SPEG: variants seen among roughly 807,000 people sequenced by gnomAD.
SPEG encodes the protein striated muscle enriched protein kinase.
Under a neutral mutation model 300.4 loss-of-function variants are expected in SPEG, and 114 were observed. The ratio of observed to expected loss-of-function variants is 0.38; its 90% confidence interval spans 0.33 to 0.44. SPEG has a LOEUF of 0.44. Ranked by LOEUF, SPEG falls within the 20% of genes least tolerant of loss-of-function variation. The pLI is 1.00. For missense variants in SPEG, 4,201 were observed against 4,586.2 expected (o/e 0.92, Z 2.43); for synonymous variants, 1,964 against 2,018.9 (o/e 0.97, Z 0.73).
In SPEG at chr2:219,451,947, C is replaced by T; in HGVS notation, c.2440+140C>T. The T allele has an allele frequency of 1.1e-6, 1 of 892,334 alleles. No individual in the cohort carries two copies. The highest frequency in any genetic ancestry group is 2.1e-5 in the South Asian group (1 of 47,700). 55.3% of individuals were successfully genotyped at this position (892,334 alleles called of 1,614,324 possible). A position where few individuals can be genotyped will look rare whatever the true frequency, so the allele number is the denominator to read the frequency against. On this transcript the variant is annotated intron_variant, in intron 6 of 40. Transcript: ENST00000312358. This position sits in a 1 kb window ranked among gnomAD's most constrained non-coding sequence, Gnocchi z 6.4. ...GCATACTTAGTCCATGCAGTCCCTT[C>T]TGGGTGTCGGCAGCTTTGGTGAAAG... is the stretch of plus-strand genomic sequence containing the variant.
Position 219,484,808 on chromosome 2 carries a change from C to T in SPEG, c.7345C>T (p.Pro2449Ser). Residue 2449 changes from proline to serine, a missense_variant, in exon 30 of 41, where the codon CCG becomes TCG. By Grantham distance (74) the Pro-to-Ser change is moderately conservative (BLOSUM62 -1). Coordinates refer to ENST00000312358, the MANE Select transcript of SPEG (RefSeq NM_005876.5). Reference sequence around the variant, plus strand: ...GGGCGGGAGCTCGGCGCGGGGCTCCCCGGTGCTGGCGATGCGCAGGCGGCT... The same window carrying T: ...GGGCGGGAGCTCGGCGCGGGGCTCCTCGGTGCTGGCGATGCGCAGGCGGCT... ...SEGGSSARGS[P>S]VLAMRRRLSF... is the part of the protein sequence containing the mutation. 6.7e-7 allele frequency: 1 copy of T among 1,490,134 alleles called. No individual in the cohort carries two copies. The highest frequency in any genetic ancestry group is 2.8e-5 in the East Asian group (1 of 36,256). 92.3% of individuals were successfully genotyped at this position (1,490,134 alleles called of 1,614,324 possible).
Position 219,448,093 on chromosome 2 carries a change from C to T in SPEG, c.935C>T (p.Pro312Leu), listed in dbSNP as rs1306948946. ...TCCAAATCCGCGCTGCTCCCCCCACCGTCCCCTCGGGTCGGGAAGCGGTCC... is the reference window on the plus strand; with the variant it reads ...TCCAAATCCGCGCTGCTCCCCCCACTGTCCCCTCGGGTCGGGAAGCGGTCC... ...PPSKSALLPPPSPRVGKRSPP... is the reference protein window; with the variant it reads ...PPSKSALLPPLSPRVGKRSPP... The change falls in exon 4 of 41, where the codon CCG (proline) becomes CTG (leucine). Residue 312 changes from proline to leucine, a missense_variant. By Grantham distance (98) the Pro-to-Leu change is moderately conservative (BLOSUM62 -3). Transcript: ENST00000312358. 1.0e-5 allele frequency: 16 copies of T among 1,605,328 alleles called. No homozygotes were observed. Among genetic ancestry groups the T allele is most frequent in the East Asian group, 2.2e-5 (1 of 44,460 alleles).
Position 219,473,260 on chromosome 2 carries a change from A to G in SPEG, c.4147+164A>G. 1.3e-6 allele frequency: 1 copy of G among 782,624 alleles called. No individual in the cohort carries two copies. Among genetic ancestry groups the G allele is most frequent in the Non-Finnish European group, 2.0e-6 (1 of 496,474 alleles). 48.5% of individuals were successfully genotyped at this position (782,624 alleles called of 1,614,324 possible). ...TGTACACTTCCTTCTCCCTCCTGAA[A>G]GCAGCAGGGCACGGTGGCTGAAGCT... On this transcript the variant is annotated intron_variant, in intron 16 of 40. Coordinates refer to ENST00000312358, the MANE Select transcript of SPEG (RefSeq NM_005876.5). This position sits in a 1 kb window ranked among gnomAD's most constrained non-coding sequence, Gnocchi z 4.6.
intron 14 of SPEG, 49 bp downstream of exon 14, chr2:219,472,036 G>A: frequency 6.2e-7 from 1 of 1,601,196 alleles, no homozygotes; most frequent in Non-Finnish European, 8.5e-7. Flanking sequence ...CTGGCCTCTG[G>A]CACTACGTGG....
Position 219,479,936 on chromosome 2 carries a change from C to G in SPEG, c.5164-26C>G, listed in dbSNP as rs140726278. ...AGCATCCTTCCTTGTTCATTTGGCC[C>G]GCACACCTCGCCTTGTGTCTTCCAG... On this transcript the variant is annotated intron_variant, in intron 24 of 40. Transcript: ENST00000312358. The surrounding 1 kb of genome is among the most constrained non-coding windows in gnomAD (Gnocchi z 5.5). 6 of 1,614,000 alleles carry G rather than the reference C, an allele frequency of 3.7e-6. No homozygotes were observed. Among genetic ancestry groups the G allele is most frequent in the Non-Finnish European group, 5.1e-6 (6 of 1,180,008 alleles).
Position 219,483,654 on chromosome 2 carries a change from C to T in SPEG, c.6191C>T (p.Ala2064Val). ...ARGGLGEGEY[A>V]QRLQALRQRL... ...GGAGGCCTGGGTGAGGGCGAGTATGCCCAGAGGCTGCAGGCCCTGCGCCAG... is the reference window on the plus strand; with the variant it reads ...GGAGGCCTGGGTGAGGGCGAGTATGTCCAGAGGCTGCAGGCCCTGCGCCAG... Residue 2064 changes from alanine to valine, a missense_variant, in exon 30 of 41, where the codon GCC (alanine) becomes GTC (valine). Coordinates refer to ENST00000312358, the MANE Select transcript of SPEG (RefSeq NM_005876.5). The T allele has an allele frequency of 6.5e-7, 1 of 1,532,286 alleles. No homozygotes were observed. Among genetic ancestry groups the T allele is most frequent in the Non-Finnish European group, 8.7e-7 (1 of 1,146,150 alleles). 94.9% of individuals were successfully genotyped at this position (1,532,286 alleles called of 1,614,324 possible).
At position 219,488,569 on chromosome 2, in the gene SPEG, AT is replaced by A; in HGVS notation, c.7931del (p.Ile2644ThrfsTer38). On this transcript the variant is annotated frameshift_variant, in exon 33 of 41. Coordinates refer to ENST00000312358, the MANE Select transcript of SPEG (RefSeq NM_005876.5). LOFTEE classifies it high-confidence loss of function. Reference sequence around the variant, plus strand: ...CAAAGATGGGCGGCAGCTGCTCAGCATCCCCCGGGCGGGCAAGCGGCACGCC... The same window carrying A: ...CAAAGATGGGCGGCAGCTGCTCAGCACCCCCGGGCGGGCAAGCGGCACGCC... ...SCKDGRQLLS[I>X]PRAGKRHAGL... 1.2e-6 allele frequency: 2 copies of A among 1,611,830 alleles called. No individual in the cohort carries two copies. Among genetic ancestry groups the A allele is most frequent in the Non-Finnish European group, 1.7e-6 (2 of 1,179,216 alleles).
At chr2:219,455,440 G>A (rs774793959) in intron 6 of SPEG, among the ~76,000 whole-genome samples, 3 of 152,136 alleles carry the variant, frequency 2.0e-5, no homozygotes, top group Non-Finnish European at 2.9e-5. Context: ...ATGCAGCTGC[G>A]GTGACTGAGG....
chr2:219,451,681 G>A lies in SPEG; in HGVS notation c.2314G>A (p.Ala772Thr). The change falls in exon 6 of 41, where the codon GCT becomes ACT. Residue 772 changes from alanine (A) to threonine (T), a missense_variant. Coordinates refer to ENST00000312358, the MANE Select transcript of SPEG (RefSeq NM_005876.5). The surrounding 1 kb of genome is among the most constrained non-coding windows in gnomAD (Gnocchi z 6.4). ...LRSEGRLLLRAEGERHTLLLR... is the reference protein window; with the variant it reads ...LRSEGRLLLRTEGERHTLLLR... ...CAGCGAGGGCCGCCTCCTCCTCCGG[G>A]CTGAGGGTGAGCGGCACACCCTGCT... 1 of 1,585,144 alleles carries A rather than the reference G, an allele frequency of 6.3e-7. No homozygotes were observed. Among genetic ancestry groups the A allele is most frequent in the Non-Finnish European group, 8.6e-7 (1 of 1,167,384 alleles).
At position 219,493,482 on chromosome 2, in the gene SPEG, T is replaced by G. The variant is rs893087486; in HGVS notation, c.*696T>G. Reference sequence around the variant, plus strand: ...CACTGCCCCTCCATGGCCTCTGGCCTTCTTCCCATTCATATTTATTTATTT... The same window carrying G: ...CACTGCCCCTCCATGGCCTCTGGCCGTCTTCCCATTCATATTTATTTATTT... On this transcript the variant is annotated 3_prime_UTR_variant, in exon 41 of 41. Transcript: ENST00000312358. The G allele has an allele frequency of 2.2e-6, 1 of 448,896 alleles. No homozygotes were observed. The highest frequency in any genetic ancestry group is 2.0e-5 in the African/African-American group (1 of 49,964). 27.8% of individuals were successfully genotyped at this position (448,896 alleles called of 1,614,324 possible).
chr2:219,459,542 T>C lies in SPEG; in HGVS notation c.2441-2340T>C, dbSNP rs1690469927. Among the ~76,000 whole-genome samples, 2 of 152,158 alleles carry C rather than the reference T, an allele frequency of 1.3e-5. No individual in the cohort carries two copies. Among genetic ancestry groups the C allele is most frequent in the Non-Finnish European group, 2.9e-5 (2 of 68,008 alleles). On this transcript the variant is annotated intron_variant, in intron 6 of 40. Coordinates refer to ENST00000312358, the MANE Select transcript of SPEG (RefSeq NM_005876.5). The surrounding 1 kb of genome is among the most constrained non-coding windows in gnomAD (Gnocchi z 4.9). ...GGCTTGAGGATGGGGGTCTGCTTCA[T>C]GGCTAGATGCCCTCCAGCATGCTGT... is the stretch of plus-strand genomic sequence containing the variant.
intron 28 of SPEG, chr2:219,482,093 G>C (rs1692902437): frequency 8.5e-6 from 2 of 236,098 alleles, no homozygotes; most frequent in Admixed American, 9.8e-5. Context: ...CTTCATGTGA[G>C]CAGGTTCTCG....
intron 18 of SPEG, 128 bp from the exon 19 acceptor site, chr2:219,476,742 A>C: frequency 1.6e-5 from 8 of 512,984 alleles, no homozygotes; most frequent in Non-Finnish European, 1.9e-5. Flanking sequence ...GGTGGCTTGC[A>C]GGGAGGCGGG....
Position 219,489,467 on chromosome 2 carries a change from G to A in SPEG, c.8449G>A (p.Val2817Ile), listed in dbSNP as rs1693763234. ...TCCTGCTGCCCCCACACCCCCGTCA[G>A]TCACTGTCAGCCCCTCATCTCCCCC... ...LAPAAPTPPS[V>I]TVSPSSPPTP... The change falls in exon 36 of 41, where the codon GTC becomes ATC. Residue 2817 changes from valine to isoleucine, a missense_variant. By Grantham distance (29) the Val-to-Ile change is conservative (BLOSUM62 3). Around this residue, in one of 4 missense-constraint regions of SPEG, gnomAD observed 1,578 missense variants for 1,506.0 expected, o/e 1.05. Coordinates refer to ENST00000312358, the MANE Select transcript of SPEG (RefSeq NM_005876.5). The A allele has an allele frequency of 2.6e-6, 4 of 1,564,514 alleles. No individual in the cohort carries two copies. In the East Asian group the frequency reaches 9.3e-5, roughly 36 times the overall value.
At chr2:219,442,765 ATCC>A (rs1689022460) in intron 1 of SPEG, among the ~76,000 whole-genome samples, 1 of 139,634 alleles carries the variant, frequency 7.2e-6, no homozygotes, top group Non-Finnish European at 1.5e-5. Flanking sequence ...CTCGTCTTCT[ATCC>A]TCTTTCTCTC....
At position 219,492,205 on chromosome 2, in the gene SPEG, A is replaced by C; in HGVS notation, c.9556A>C (p.Asn3186His). ...GRFDAFQLYP[N>H]TSQSATLFLR... ...CTTTGATGCCTTCCAGCTGTACCCC[A>C]ATACATCCCAGAGCGCCACCCTCTT... is the stretch of plus-strand genomic sequence containing the variant. Residue 3186 changes from asparagine (N) to histidine (H), a missense_variant, in exon 40 of 41, where the codon AAT becomes CAT. Asn to His is a moderately conservative substitution (Grantham distance 68, BLOSUM62 1). Transcript: ENST00000312358. 1 of 1,613,630 alleles carries C rather than the reference A, an allele frequency of 6.2e-7. No individual in the cohort carries two copies. Among genetic ancestry groups the C allele is most frequent in the Non-Finnish European group, 8.5e-7 (1 of 1,179,888 alleles).
At chr2:219,455,590 C>T (rs1012275908) in intron 6 of SPEG, among the ~76,000 whole-genome samples, 3 of 152,178 alleles carry the variant, frequency 2.0e-5, no homozygotes, top group African/African-American at 4.8e-5. Context: ...AACCCTGTCT[C>T]GGTCTCTCAA....
intron 6 of SPEG, among the ~76,000 whole-genome samples, chr2:219,453,770 G>T (rs534212191): frequency 9.9e-5 from 15 of 152,254 alleles, no homozygotes; most frequent in Non-Finnish European, 2.1e-4. Context: ...GGCTCTGGCT[G>T]TTGTGGAGCA....
chr2:219,483,817 C>A lies in SPEG; in HGVS notation c.6354C>A (p.Pro2118=), dbSNP rs765163473. Residue 2118 remains proline, a synonymous_variant, in exon 30 of 41, where the codon CCC becomes CCA. Coordinates refer to ENST00000312358, the MANE Select transcript of SPEG (RefSeq NM_005876.5). ...GCGAGGCAGCGCCCCACCACCAGCCCCCACTCGAGAACCGGGGCCTGCAAA... is the reference window on the plus strand; with the variant it reads ...GCGAGGCAGCGCCCCACCACCAGCCACCACTCGAGAACCGGGGCCTGCAAA... ...ASSEAAPHHQ[P]PLENRGLQKS... The A allele has an allele frequency of 1.3e-6, 2 of 1,578,928 alleles. No homozygotes were observed. Among genetic ancestry groups the A allele is most frequent in the Non-Finnish European group, 1.7e-6 (2 of 1,169,470 alleles).
Sources: allele counts gnomAD v4.1 joint callset (sites outside exome capture counted in the v4.1 genomes callset), GRCh38; gene constraint gnomAD v4.1.1; regional missense constraint gnomAD v4.1.1; non-coding constraint Gnocchi (gnomAD v3.1); transcripts MANE v1.5; gene names NCBI Gene and HGNC (gene_info 2026-07-23, HGNC 2026-07-21).